The following DLGAP2 variants were observed in gnomAD, a reference collection of about 807,000 sequenced individuals.
DLGAP2 encodes disks large-associated protein 2.
A neutral mutation model predicts 100.3 loss-of-function variants in DLGAP2; 26 were observed. The ratio of observed to expected loss-of-function variants is 0.26; its 90% CI spans 0.19 to 0.36. The LOEUF (loss-of-function observed/expected upper bound fraction) is 0.36. DLGAP2 is among the 10% of genes least tolerant of loss of function. The pLI is 1.00. For synonymous variants in DLGAP2, 886 were observed against 630.1 expected (o/e 1.41, Z -6.08); for missense variants, 1,858 against 1,453.2 (o/e 1.28, Z -4.53).
chr8:1,257,034 G>A (rs1446143194), intron 2 of DLGAP2, among the ~76,000 whole-genome samples: 5 of 152,206 alleles, frequency 3.3e-5, no homozygotes, highest in South Asian at 2.1e-4. Flanking sequence ...CTGCGGCCCC[G>A]ACGTCTTCTC....
intron 3 of DLGAP2, among the ~76,000 whole-genome samples, chr8:1,499,565 A>G (rs1799647467): frequency 6.6e-6 from 1 of 152,232 alleles, no homozygotes; most frequent in Non-Finnish European, 1.5e-5. Flanking sequence ...TAATGTGGAC[A>G]TTTGGCAGAT....
intron 2 of DLGAP2, among the ~76,000 whole-genome samples, chr8:1,200,041 C>A (rs1425977081): frequency 3.3e-5 from 5 of 152,088 alleles, no homozygotes; most frequent in Non-Finnish European, 5.9e-5. Context: ...GGGGGTGACC[C>A]CGAGAACAGG....
intron 1 of DLGAP2, among the ~76,000 whole-genome samples, chr8:825,390 G>C (rs183407005): frequency 1.7e-4 from 26 of 152,256 alleles, no homozygotes; most frequent in African/African-American, 6.0e-4. Flanking sequence ...GGCTTTCCTG[G>C]GTGTGGAGGC....
At chr8:1,333,962 A>C (rs11993138) in intron 3 of DLGAP2, among the ~76,000 whole-genome samples, 63 of 152,352 alleles carry the variant, frequency 4.1e-4, no homozygotes, top group African/African-American at 1.5e-3. Flanking sequence ...ACAGGGGCCA[A>C]CACGGCGAGA....
intron 3 of DLGAP2, among the ~76,000 whole-genome samples, chr8:1,276,275 T>A (rs1799694335): frequency 6.6e-6 from 1 of 151,714 alleles, no homozygotes; most frequent in Non-Finnish European, 1.5e-5. Flanking sequence ...TCATGATAGC[T>A]GCTTTTTTAC....
Position 1,668,507 on chromosome 8 carries a change from C to A in DLGAP2, c.1989C>A (p.Ser663=). 1 of 1,593,718 alleles carries A rather than the reference C, an allele frequency of 6.3e-7. No individual in the cohort carries two copies. Among genetic ancestry groups the A allele is most frequent in the East Asian group, 2.3e-5 (1 of 43,452 alleles). ...WPQDSRGLYN[S]TDSLDSNKAM... is the part of the protein sequence containing the mutation. ...AGGACAGCCGCGGCCTCTACAACTC[C>A]ACGGACAGCCTGGACAGCAACAAGG... is the stretch of plus-strand genomic sequence containing the variant. Residue 663 remains serine (S), a synonymous_variant, in exon 9 of 15, where the codon TCC becomes TCA. Coordinates refer to ENST00000637795, the MANE Select transcript of DLGAP2 (RefSeq NM_001346810.2).
Position 1,267,195 on chromosome 8 carries a change from G to C in DLGAP2, c.106+8312G>C, listed in dbSNP as rs533749261. ...TGCAGTGAGCCAAGATTGCACCACT[G>C]CACTCCAGCCTGGGCAACAGAGCGA... On this transcript the variant is annotated intron_variant, in intron 3 of 14. Coordinates refer to ENST00000637795, the MANE Select transcript of DLGAP2 (RefSeq NM_001346810.2). Among the ~76,000 whole-genome samples the C allele has an allele frequency of 1.4e-4, 21 of 151,218 alleles. No homozygotes were observed. The East Asian group carries it at 4.1e-3, about 30-fold the overall frequency.
At chr8:864,923 A>G (rs1350548652) in intron 1 of DLGAP2, among the ~76,000 whole-genome samples, 1 of 152,210 alleles carries the variant, frequency 6.6e-6, no homozygotes, top group Non-Finnish European at 1.5e-5. Flanking sequence ...CTTCTTTAAT[A>G]TTTCAAGTTA....
chr8:1,159,498 G>T (rs1268244902), intron 2 of DLGAP2, among the ~76,000 whole-genome samples: 3 of 152,126 alleles, frequency 2.0e-5, no homozygotes, highest in African/African-American at 7.2e-5. Context: ...ATTGCACTTG[G>T]TTTATGGAGA....
intron 6 of DLGAP2, among the ~76,000 whole-genome samples, chr8:1,595,094 T>A (rs1463492008): frequency 6.6e-6 from 1 of 151,800 alleles, no homozygotes; most frequent in Non-Finnish European, 1.5e-5. Context: ...CAGGCTGGAG[T>A]GCAGGGCGTC....
At chr8:1,483,041 A>T (rs1253628090) in intron 3 of DLGAP2, among the ~76,000 whole-genome samples, 1 of 152,054 alleles carries the variant, frequency 6.6e-6, no homozygotes, top group Admixed American at 6.5e-5. Context: ...AGCTGGCTTG[A>T]GTGAGCCTCC....
intron 2 of DLGAP2, among the ~76,000 whole-genome samples, chr8:959,849 A>T (rs944229954): frequency 6.6e-6 from 1 of 152,226 alleles, no homozygotes; most frequent in Non-Finnish European, 1.5e-5. Context: ...AATGATTTTC[A>T]TGCTCATATA....
intron 3 of DLGAP2, among the ~76,000 whole-genome samples, chr8:1,341,962 AT>A (rs1299474511): frequency 1.3e-5 from 2 of 151,850 alleles, no homozygotes; most frequent in Non-Finnish European, 2.9e-5. Flanking sequence ...GCTTTGTTTT[AT>A]TTTTTGAGAC....
chr8:1,345,010 T>C (rs1486677241), intron 3 of DLGAP2, among the ~76,000 whole-genome samples: 1 of 152,228 alleles, frequency 6.6e-6, no homozygotes, highest in Non-Finnish European at 1.5e-5. Context: ...TCCTTCCAAA[T>C]TTGATATTGG....
chr8:1,231,727 C>A lies in DLGAP2; in HGVS notation c.74-27124C>A, dbSNP rs541654076. Among the ~76,000 whole-genome samples the A allele has an allele frequency of 7.9e-5, 12 of 152,180 alleles. No homozygotes were observed. The South Asian group carries it at 2.5e-3, about 32-fold the overall frequency. ...TATACTAAAAGAACTAACACAGGAA[C>A]AGAAAATCAAATAGTGAATGTTCTC... On this transcript the variant is annotated intron_variant, in intron 2 of 14. Transcript: ENST00000637795.
At chr8:1,073,386 A>C (rs1018052299) in intron 2 of DLGAP2, among the ~76,000 whole-genome samples, 13 of 152,150 alleles carry the variant, frequency 8.5e-5, no homozygotes, top group African/African-American at 3.1e-4. Context: ...GTCACTCTGA[A>C]ATTTTTTTTA....
At chr8:867,582 G>C (rs548436393) in intron 1 of DLGAP2, among the ~76,000 whole-genome samples, 8 of 152,188 alleles carry the variant, frequency 5.3e-5, no homozygotes, top group Non-Finnish European at 1.2e-4. Context: ...ACGCTCTAGG[G>C]ACATGCACAC....
At chr8:1,618,221 G>A (rs1412839623) in intron 6 of DLGAP2, among the ~76,000 whole-genome samples, 14 of 152,162 alleles carry the variant, frequency 9.2e-5, no homozygotes, top group Non-Finnish European at 7.4e-5. Context: ...AAAACCTAAG[G>A]AAACTACAAA....
intron 2 of DLGAP2, among the ~76,000 whole-genome samples, chr8:1,029,536 G>A (rs867787599): frequency 1.5e-4 from 23 of 152,052 alleles, no homozygotes; most frequent in Admixed American, 7.9e-4. Flanking sequence ...CGGGTAGGAC[G>A]ACCAACGGTG....
Sources: gnomAD v4.1 joint callset for allele counts (sites outside exome capture counted in the v4.1 genomes callset) on GRCh38, gnomAD v4.1.1 for gene constraint, MANE v1.5 for transcripts, NCBI Gene and HGNC (gene_info 2026-07-23, HGNC 2026-07-21) for gene names.